The following PRMT8 variants were observed in gnomAD, a reference collection of about 807,000 sequenced individuals.
PRMT8 encodes protein arginine N-methyltransferase 8.
A neutral mutation model predicts 47.1 loss-of-function variants in PRMT8; 7 were observed. That is an observed-to-expected ratio of 0.15 (90% CI 0.08 to 0.28). The LOEUF is 0.28. Among genes scored for constraint, PRMT8 ranks in the 10% least tolerant of loss-of-function variants. The probability of loss-of-function intolerance (pLI) is 1.00; values close to 1 mark genes in which losing one functional copy is unlikely to be tolerated. For missense variants in PRMT8, 237 were observed against 505.4 expected (o/e 0.47, Z 5.09); for synonymous variants, 188 against 186.5 (o/e 1.01, Z -0.07).
chr12:3,486,849 T>C (rs983253174), upstream of PRMT8, among the ~76,000 whole-genome samples: 15 of 152,364 alleles, frequency 9.8e-5, 1 homozygote, highest in Admixed American at 7.8e-4. Context: ...AGTGAATTGA[T>C]TTAATCAGAC....
chr12:3,508,965 C>T lies in PRMT8; in HGVS notation c.75+17265C>T, dbSNP rs1865671576. ...CGATTCTACATCTGAAATGTTTCTC[C>T]TCTTTGTCCTGAATCTGTCCTCCCC... is the stretch of plus-strand genomic sequence containing the variant. On this transcript the variant is annotated intron_variant, in intron 1 of 9. Transcript: ENST00000382622. This position sits in a 1 kb window ranked among gnomAD's most constrained non-coding sequence, Gnocchi z 4.9. Among the ~76,000 whole-genome samples, 1 of 152,204 alleles carries T rather than the reference C, an allele frequency of 6.6e-6. No individual in the cohort carries two copies. Among genetic ancestry groups the T allele is most frequent in the Non-Finnish European group, 1.5e-5 (1 of 68,036 alleles).
intron 1 of PRMT8, among the ~76,000 whole-genome samples, chr12:3,431,290 G>C (rs945721364): frequency 6.8e-6 from 1 of 148,128 alleles, no homozygotes; most frequent in Non-Finnish European, 1.5e-5. Context: ...AAAGCAGTGA[G>C]AGTGGGCACA....
At chr12:3,420,180 A>G (rs1004826228) in intron 1 of PRMT8, among the ~76,000 whole-genome samples, 12 of 152,110 alleles carry the variant, frequency 7.9e-5, no homozygotes, top group Admixed American at 2.0e-4. Context: ...TTGTCCATCA[A>G]TGCAAGGCGG....
At chr12:3,568,306 CTGGA>C (rs1299079130) in intron 4 of PRMT8, among the ~76,000 whole-genome samples, 3 of 151,024 alleles carry the variant, frequency 2.0e-5, no homozygotes, top group African/African-American at 7.3e-5. Flanking sequence ...TCAGGGGTGG[CTGGA>C]AGAGGTGGAA....
intron 1 of PRMT8, among the ~76,000 whole-genome samples, chr12:3,437,324 T>C (rs116583431): frequency 0.012 from 1,843 of 152,190 alleles, 31 homozygotes; most frequent in African/African-American, 0.04. Context: ...TACAGTTACA[T>C]AGTATGGGTA....
At chr12:3,433,616 G>A (rs2137069721) in intron 1 of PRMT8, among the ~76,000 whole-genome samples, 1 of 151,154 alleles carries the variant, frequency 6.6e-6, no homozygotes, top group Middle Eastern at 3.4e-3. Context: ...TTAGTGACAA[G>A]ATTTTTTTTT....
In PRMT8 at chr12:3,564,766, A is replaced by G. The variant is rs370422456; in HGVS notation, c.482-3940A>G. On this transcript the variant is annotated intron_variant, in intron 4 of 9. Transcript: ENST00000382622. This position sits in a 1 kb window ranked among gnomAD's most constrained non-coding sequence, Gnocchi z 4.0. ...GCTCTGCAGCCTACGGCTGCTCGGA[A>G]TCTTAATATCAATAGCTTAGACCCC... Among the ~76,000 whole-genome samples, 2 of 152,256 alleles carry G rather than the reference A, an allele frequency of 1.3e-5. No homozygotes were observed. Among genetic ancestry groups the G allele is most frequent in the African/African-American group, 4.8e-5 (2 of 41,468 alleles).
chr12:3,568,951 G>A, intron 5 of PRMT8, 103 bp downstream of exon 5: 2 of 1,465,556 alleles, frequency 1.4e-6, no homozygotes, highest in Non-Finnish European at 1.9e-6. Flanking sequence ...AGAGAAGACT[G>A]AGGCCAGGAG....
intron 1 of PRMT8, among the ~76,000 whole-genome samples, chr12:3,529,051 G>A (rs1865987557): frequency 6.6e-6 from 1 of 152,174 alleles, no homozygotes; most frequent in Non-Finnish European, 1.5e-5. Flanking sequence ...TCACATCCAT[G>A]GTTTGATCAG....
chr12:3,538,830 C>T lies in PRMT8; in HGVS notation c.76-1776C>T, dbSNP rs1565434926. On this transcript the variant is annotated intron_variant, in intron 1 of 9. Coordinates refer to ENST00000382622, the MANE Select transcript of PRMT8 (RefSeq NM_019854.5). The surrounding 1 kb of genome is among the most constrained non-coding windows in gnomAD (Gnocchi z 4.6). ...CTGCTGCATTCTAATGAGGCAGCCCCACTCGCCTTTGCCAGCCCGCCCGGG... is the reference window on the plus strand; with the variant it reads ...CTGCTGCATTCTAATGAGGCAGCCCTACTCGCCTTTGCCAGCCCGCCCGGG... The T allele has an allele frequency of 2.3e-5, 11 of 485,528 alleles. No homozygotes were observed. Among genetic ancestry groups the T allele is most frequent in the Non-Finnish European group, 4.6e-5 (11 of 240,318 alleles). The allele number at this position is 485,528 out of a possible 1,614,324, so 30.1% of individuals were successfully genotyped here. A position where few individuals can be genotyped will look rare whatever the true frequency, so the allele number is the denominator to read the frequency against.
chr12:3,491,125 C>T (rs1865387755), upstream of PRMT8: 1 of 984,046 alleles, frequency 1.0e-6, no homozygotes. Flanking sequence ...GCCCAGCCGC[C>T]GCCGGCTCCA....
intron 1 of PRMT8, among the ~76,000 whole-genome samples, chr12:3,534,963 A>C (rs1306080225): frequency 6.6e-6 from 1 of 152,210 alleles, no homozygotes; most frequent in African/African-American, 2.4e-5. Flanking sequence ...TACTATGAGG[A>C]TTTCACGAGA....
chr12:3,506,147 C>T (rs117549413), intron 1 of PRMT8, among the ~76,000 whole-genome samples: 1 of 152,198 alleles, frequency 6.6e-6, no homozygotes, highest in African/African-American at 2.4e-5. Flanking sequence ...TCCTAGCTTG[C>T]ATCGCTTACT....
Position 3,436,091 on chromosome 12 carries a change from C to G in PRMT8, c.48+54649C>G, listed in dbSNP as rs1864738368. Among the ~76,000 whole-genome samples, 1 of 152,108 alleles carries G rather than the reference C, an allele frequency of 6.6e-6. No individual in the cohort carries two copies. The highest frequency in any genetic ancestry group is 2.4e-5 in the African/African-American group (1 of 41,422). On this transcript the variant is annotated intron_variant, in intron 1 of 9. Coordinates refer to the PRMT8 transcript ENST00000452611. This position sits in a 1 kb window ranked among gnomAD's most constrained non-coding sequence, Gnocchi z 4.2. ...GGTGAGGTTGGGCAAAGGCTTGGCT[C>G]TGGTTGCCCTGTGACTTTGAGTGAA...
At chr12:3,447,028 G>T (rs1469242828) in intron 1 of PRMT8, among the ~76,000 whole-genome samples, 2 of 152,126 alleles carry the variant, frequency 1.3e-5, no homozygotes, top group Non-Finnish European at 2.9e-5. Context: ...GGAGCCCTGA[G>T]CGGGTGGGCT....
chr12:3,381,951 A>G lies in PRMT8; in HGVS notation c.48+509A>G, dbSNP rs1864096417. Among the ~76,000 whole-genome samples, 3 of 152,216 alleles carry G rather than the reference A, an allele frequency of 2.0e-5. No homozygotes were observed. In the South Asian group the frequency reaches 6.2e-4, roughly 32 times the overall value. ...ATTTCTGTAATTTTGTCATTTCAAG[A>G]TAGCTACATAAATGGAATCATATAG... is the stretch of plus-strand genomic sequence containing the variant. On this transcript the variant is annotated intron_variant, in intron 1 of 9. Transcript: ENST00000452611.
At chr12:3,507,405 A>G (rs968602693) in intron 1 of PRMT8, among the ~76,000 whole-genome samples, 1 of 152,044 alleles carries the variant, frequency 6.6e-6, no homozygotes, top group South Asian at 2.1e-4. Flanking sequence ...ACAGGCGTGA[A>G]CCACCGCGCC....
chr12:3,405,104 G>A (rs1036597550), intron 1 of PRMT8, among the ~76,000 whole-genome samples: 3 of 152,174 alleles, frequency 2.0e-5, no homozygotes, highest in African/African-American at 7.2e-5. Flanking sequence ...TCACAGTTCA[G>A]CATGGCTGGG....
chr12:3,479,229 G>C (rs1865248996), intron 1 of PRMT8, among the ~76,000 whole-genome samples: 1 of 152,270 alleles, frequency 6.6e-6, no homozygotes, highest in Non-Finnish European at 1.5e-5. Context: ...TCCCAGGACA[G>C]GTTCATGCCT....
Sources: allele counts gnomAD v4.1 joint callset (sites outside exome capture counted in the v4.1 genomes callset), GRCh38; gene constraint gnomAD v4.1.1; non-coding constraint Gnocchi (gnomAD v3.1); transcripts MANE v1.5; gene names NCBI Gene and HGNC (gene_info 2026-07-23, HGNC 2026-07-21).